NLRP4: variants seen among roughly 807,000 people sequenced by gnomAD.
The protein encoded by NLRP4 is NLR family pyrin domain containing 4.
Under a neutral mutation model 84.7 loss-of-function variants are expected in NLRP4, and 44 were observed. The observed-to-expected ratio is 0.52, with a 90% CI of 0.41 to 0.67. NLRP4 has a LOEUF of 0.67. NLRP4 is among the 30% of genes least tolerant of loss of function. The pLI, the probability that NLRP4 is intolerant of heterozygous loss-of-function variation, is 0.00. For missense variants in NLRP4, 1,260 were observed against 1,219.4 expected (o/e 1.03, Z -0.50); for synonymous variants, 544 against 476.4 (o/e 1.14, Z -1.85).
chr19:55,841,706 C>T lies in NLRP4; in HGVS notation c.-66+4772C>T, dbSNP rs533942018. 2.2e-4 allele frequency among the ~76,000 whole-genome samples: 34 copies of T among 151,716 alleles called. No homozygotes were observed. The South Asian group carries it at 7.1e-3, about 32-fold the overall frequency. On this transcript the variant is annotated intron_variant, in intron 1 of 9. Transcript: ENST00000301295. ...TGAAACCCCATCTCTATTAAAAATA[C>T]AAAAAAAAGTTAGCCGGGCATGGTG... is the stretch of plus-strand genomic sequence containing the variant.
chr19:55,851,375 C>T (rs1984129323), intron 1 of NLRP4, among the ~76,000 whole-genome samples: 2 of 82,780 alleles, frequency 2.4e-5, no homozygotes, highest in Admixed American at 2.5e-4. Flanking sequence ...ATGTCCGAGG[C>T]TGCGGTGTAA....
chr19:55,840,155 G>A (rs964717124), intron 1 of NLRP4, among the ~76,000 whole-genome samples: 1 of 152,142 alleles, frequency 6.6e-6, no homozygotes, highest in East Asian at 1.9e-4. Flanking sequence ...TTTATTGAAT[G>A]AAAAGGTCTG....
In NLRP4 at chr19:55,881,616, C is replaced by T. The variant is rs766417061; in HGVS notation, c.*29C>T. ...CGAGGAACCTGGGCTCTGACTCGAA[C>T]ACCTGCAAAGGACAGGGACTGGGAC... On this transcript the variant is annotated 3_prime_UTR_variant, in exon 10 of 10. Transcript: ENST00000301295. 1 of 1,084,382 alleles carries T rather than the reference C, an allele frequency of 9.2e-7. No individual in the cohort carries two copies. Among genetic ancestry groups the T allele is most frequent in the Non-Finnish European group, 1.4e-6 (1 of 703,820 alleles). The allele number at this position is 1,084,382 out of a possible 1,614,324, so 67.2% of individuals were successfully genotyped here. A position where few individuals can be genotyped will look rare whatever the true frequency, so the allele number is the denominator to read the frequency against.
chr19:55,864,370 G>A (rs946839049), intron 5 of NLRP4, among the ~76,000 whole-genome samples: 2 of 152,168 alleles, frequency 1.3e-5, no homozygotes, highest in Non-Finnish European at 2.9e-5. Context: ...TGTTTTCAAG[G>A]TTTATCCAAA....
chr19:55,854,726 T>A (rs937042505), intron 2 of NLRP4, among the ~76,000 whole-genome samples: 2 of 152,162 alleles, frequency 1.3e-5, no homozygotes, highest in African/African-American at 4.8e-5. Flanking sequence ...CAGTCCAATT[T>A]TTTTTTCTTT....
chr19:55,871,940 C>T (rs1243662073), intron 7 of NLRP4, among the ~76,000 whole-genome samples: 3 of 151,708 alleles, frequency 2.0e-5, no homozygotes, highest in Non-Finnish European at 4.4e-5. Context: ...AGTGCTGCCT[C>T]CCGGGTTCAC....
intron 3 of NLRP4, among the ~76,000 whole-genome samples, chr19:55,860,783 G>C (rs1984719947): frequency 6.6e-6 from 1 of 151,986 alleles, no homozygotes; most frequent in South Asian, 2.1e-4. Context: ...CTGTAAACCA[G>C]CCTGACCAAC....
chr19:55,869,812 G>A (rs1232496076), intron 6 of NLRP4, among the ~76,000 whole-genome samples: 5 of 151,888 alleles, frequency 3.3e-5, no homozygotes, highest in Admixed American at 2.0e-4. Flanking sequence ...AAACTGGCTG[G>A]GATTGGAGGC....
intron 1 of NLRP4, among the ~76,000 whole-genome samples, chr19:55,842,052 A>C (rs568873167): frequency 6.6e-6 from 1 of 152,114 alleles, no homozygotes; most frequent in East Asian, 1.9e-4. Flanking sequence ...ATTCCTACCA[A>C]TGGTGTGTAA....
intron 7 of NLRP4, among the ~76,000 whole-genome samples, chr19:55,874,988 A>G (rs1985317014): frequency 6.6e-6 from 1 of 152,244 alleles, no homozygotes; most frequent in African/African-American, 2.4e-5. Context: ...AAAAAAATCA[A>G]TGTAAATCAC....
In NLRP4 at chr19:55,862,084, C is replaced by G. The variant is rs778909548; in HGVS notation, c.2111C>G (p.Thr704Arg). ...TTGAAATACCTGAGCTTCACCCTCACGAAACTCTCTCGTGATGACATCAGG... is the reference window on the plus strand; with the variant it reads ...TTGAAATACCTGAGCTTCACCCTCAGGAAACTCTCTCGTGATGACATCAGG... ...PDLKYLSFTLTKLSRDDIRSL... is the reference protein window; with the variant it reads ...PDLKYLSFTLRKLSRDDIRSL... The change falls in exon 5 of 10, where the codon ACG (threonine) becomes AGG (arginine). Residue 704 changes from threonine (T) to arginine (R), a missense_variant. Physicochemically the swap from Thr to Arg is moderately conservative, Grantham distance 71. Coordinates refer to ENST00000301295, the MANE Select transcript of NLRP4 (RefSeq NM_134444.5). 3 of 1,612,660 alleles carry G rather than the reference C, an allele frequency of 1.9e-6. No homozygotes were observed. Among genetic ancestry groups the G allele is most frequent in the African/African-American group, 1.3e-5 (1 of 74,914 alleles).
chr19:55,848,953 C>T (rs532245251), intron 1 of NLRP4, among the ~76,000 whole-genome samples: 1 of 152,292 alleles, frequency 6.6e-6, no homozygotes, highest in Non-Finnish European at 1.5e-5. Flanking sequence ...TTGTCTGCCG[C>T]CATGTAAGAT....
chr19:55,852,621 C>T (rs1342296197), intron 2 of NLRP4, among the ~76,000 whole-genome samples: 3 of 151,796 alleles, frequency 2.0e-5, no homozygotes, highest in Non-Finnish European at 4.4e-5. Flanking sequence ...GAATTACAGG[C>T]GCCTGCCACC....
intron 6 of NLRP4, among the ~76,000 whole-genome samples, chr19:55,869,478 GA>G (rs1985090513): frequency 6.6e-6 from 1 of 152,180 alleles, no homozygotes; most frequent in African/African-American, 2.4e-5. Context: ...GGCCTCCGTG[GA>G]AATGCAGATC....
intron 1 of NLRP4, among the ~76,000 whole-genome samples, chr19:55,846,496 C>T (rs1568656134): frequency 6.6e-6 from 1 of 152,108 alleles, no homozygotes; most frequent in African/African-American, 2.4e-5. Context: ...ATGTTCTTGC[C>T]CAAAGTCATT....
chr19:55,877,298 T>A, intron 8 of NLRP4, 132 bp downstream of exon 8: 1 of 832,562 alleles, frequency 1.2e-6, no homozygotes. Flanking sequence ...TGAACCAGTG[T>A]AAAACTTCAG....
chr19:55,858,365 C>T lies in NLRP4; in HGVS notation c.972C>T (p.Ala324=). Residue 324 remains alanine, a synonymous_variant, in exon 3 of 10, where the codon GCC becomes GCT. Coordinates refer to ENST00000301295, the MANE Select transcript of NLRP4 (RefSeq NM_134444.5). This position sits in a 1 kb window ranked among gnomAD's most constrained non-coding sequence, Gnocchi z 4.2. ...AAGACCCGAAAAGAGCCATGGAAGC[C>T]TTCAATCTTGTAAGAGAAAGTGAAC... ...FFKDPKRAME[A]FNLVRESEQL... The T allele has an allele frequency of 6.2e-7, 1 of 1,614,152 alleles. No homozygotes were observed. Among genetic ancestry groups the T allele is most frequent in the Non-Finnish European group, 8.5e-7 (1 of 1,180,040 alleles).
intron 2 of NLRP4, among the ~76,000 whole-genome samples, chr19:55,857,203 A>G (rs1984468009): frequency 6.6e-6 from 1 of 152,212 alleles, no homozygotes. Context: ...AGCAATGAAT[A>G]CCTGTGTATG....
intron 1 of NLRP4, 148 bp from the exon 2 acceptor site, chr19:55,851,868 T>C: frequency 1.9e-6 from 1 of 524,774 alleles, no homozygotes; most frequent in Non-Finnish European, 3.3e-6. Context: ...GAGACTTTCA[T>C]GACCATTTGA....
Sources: allele counts gnomAD v4.1 joint callset (sites outside exome capture counted in the v4.1 genomes callset), GRCh38; gene constraint gnomAD v4.1.1; non-coding constraint Gnocchi (gnomAD v3.1); transcripts MANE v1.5; gene names NCBI Gene and HGNC (gene_info 2026-07-23, HGNC 2026-07-21).